Variants in RBL1 observed in about 807,000 individuals in gnomAD.
The protein encoded by RBL1 is RB transcriptional corepressor like 1, also known as retinoblastoma-like protein 1.
Under a neutral mutation model 123.0 loss-of-function variants are expected in RBL1, and 82 were observed. The ratio of observed to expected loss-of-function variants is 0.67; its 90% CI spans 0.56 to 0.80. The LOEUF is 0.80. Ranked by LOEUF, RBL1 falls within the 30% of genes least tolerant of loss-of-function variation. The pLI is 0.00. For missense variants in RBL1, 1,171 were observed against 1,299.6 expected, an observed-to-expected ratio of 0.90 and a Z score of 1.52; for synonymous variants, 405 against 441.3, an observed-to-expected ratio of 0.92 and a Z score of 1.03.
intron 9 of RBL1, 99 bp downstream of exon 9, chr20:37,061,004 C>T (rs2065084884): frequency 2.4e-6 from 3 of 1,262,266 alleles, no homozygotes; most frequent in Non-Finnish European, 3.2e-6. Context: ...GCCAGATGAA[C>T]ATCCACTATC....
intron 1 of RBL1, 30 bp downstream of exon 1, chr20:37,095,743 G>A (rs1471214806): frequency 6.4e-7 from 1 of 1,553,214 alleles, no homozygotes; most frequent in Admixed American, 1.8e-5. Context: ...GCGAGGGTAG[G>A]GTCCGGCCGC....
intron 11 of RBL1, 50 bp from the exon 12 acceptor site, chr20:37,047,240 T>C (rs1156294004): frequency 6.5e-7 from 1 of 1,549,886 alleles, no homozygotes. Context: ...AATTTCAGTC[T>C]TTGCCATTCC....
At chr20:37,067,925 G>T in intron 3 of RBL1, 61 bp downstream of exon 3, 1 of 1,539,178 alleles carries the variant, frequency 6.5e-7, no homozygotes, top group Admixed American at 2.2e-5. Context: ...TTTCAAAAAA[G>T]TATATTCTCT....
chr20:37,058,889 C>A (rs144529602), intron 9 of RBL1, among the ~76,000 whole-genome samples: 5 of 151,900 alleles, frequency 3.3e-5, no homozygotes, highest in African/African-American at 1.2e-4. Context: ...ATGCATATCA[C>A]CATGACTAAT....
At chr20:37,037,823 A>G (rs888772043) in intron 14 of RBL1, among the ~76,000 whole-genome samples, 1 of 151,760 alleles carries the variant, frequency 6.6e-6, no homozygotes, top group African/African-American at 2.4e-5. Flanking sequence ...AGTAGCTGGG[A>G]CTATAGGCGC....
At chr20:37,029,462 T>C (rs1007349514) in intron 16 of RBL1, among the ~76,000 whole-genome samples, 8 of 152,142 alleles carry the variant, frequency 5.3e-5, no homozygotes, top group Non-Finnish European at 1.2e-4. Flanking sequence ...GGGTCAACTG[T>C]ATATAAAAAA....
intron 11 of RBL1, chr20:37,049,309 C>G: frequency 1.6e-6 from 1 of 638,178 alleles, no homozygotes; most frequent in Non-Finnish European, 2.8e-6. Context: ...AAGGTTGAAC[C>G]CTCGGATACG....
chr20:37,041,944 G>C, intron 13 of RBL1, among the ~76,000 whole-genome samples: 1 of 151,826 alleles, frequency 6.6e-6, no homozygotes, highest in Non-Finnish European at 1.5e-5. Flanking sequence ...GTGGTGGTGG[G>C]TGCTTGTAGT....
intron 21 of RBL1, among the ~76,000 whole-genome samples, chr20:37,002,865 G>A (rs2064011102): frequency 6.6e-6 from 1 of 151,388 alleles, no homozygotes; most frequent in African/African-American, 2.4e-5. Context: ...TGAGATTATA[G>A]GTGCGCACCA....
chr20:37,025,746 GTT>G (rs113216175), intron 16 of RBL1, among the ~76,000 whole-genome samples: 3 of 140,542 alleles, frequency 2.1e-5, no homozygotes. Flanking sequence ...AGGGACCTGG[GTT>G]TTTTTTTTTT....
intron 1 of RBL1, among the ~76,000 whole-genome samples, chr20:37,090,711 A>T (rs2146338412): frequency 6.6e-6 from 1 of 152,314 alleles, no homozygotes; most frequent in African/African-American, 2.4e-5. Flanking sequence ...TAGCCTACTA[A>T]ACCTAGGCTA....
At chr20:37,075,961 C>A (rs2065357192) in intron 2 of RBL1, among the ~76,000 whole-genome samples, 1 of 152,166 alleles carries the variant, frequency 6.6e-6, no homozygotes, top group Non-Finnish European at 1.5e-5. Flanking sequence ...GCACAAAATT[C>A]TAAAAGTTAC....
At chr20:37,067,932 C>T (rs1343816483) in intron 3 of RBL1, 54 bp downstream of exon 3, 3 of 1,562,210 alleles carry the variant, frequency 1.9e-6, no homozygotes, top group Non-Finnish European at 2.6e-6. Flanking sequence ...AAAGTATATT[C>T]TCTTAGTTTG....
intron 11 of RBL1, among the ~76,000 whole-genome samples, chr20:37,053,787 T>C (rs2064959030): frequency 1.3e-5 from 2 of 152,176 alleles, no homozygotes; most frequent in African/African-American, 4.8e-5. Flanking sequence ...GAGGATTTAC[T>C]GTATACATTC....
At chr20:37,047,359 A>G (rs138193948) in intron 11 of RBL1, among the ~76,000 whole-genome samples, 169 bp from the exon 12 acceptor site, 1 of 152,336 alleles carries the variant, frequency 6.6e-6, no homozygotes, top group African/African-American at 2.4e-5. Flanking sequence ...TATAATACCT[A>G]TTCTTGCTCA....
At chr20:37,070,379 C>T (rs1056125271) in intron 2 of RBL1, among the ~76,000 whole-genome samples, 18 of 152,056 alleles carry the variant, frequency 1.2e-4, no homozygotes, top group Non-Finnish European at 2.4e-4. Flanking sequence ...GACCTTTGTT[C>T]ACTTGTTTAT....
chr20:37,020,775 A>G, intron 17 of RBL1, 45 bp from the exon 18 acceptor site: 2 of 1,324,040 alleles, frequency 1.5e-6, no homozygotes, highest in Non-Finnish European at 2.1e-6. Flanking sequence ...TTTTGAAAGA[A>G]AAATGGCTCT....
chr20:37,069,262 C>T (rs1338629167), intron 2 of RBL1, among the ~76,000 whole-genome samples: 3 of 152,224 alleles, frequency 2.0e-5, no homozygotes, highest in South Asian at 2.1e-4. Flanking sequence ...GCTGCCACCC[C>T]GTCTGGGAAG....
intron 2 of RBL1, among the ~76,000 whole-genome samples, chr20:37,072,894 T>G: frequency 6.6e-6 from 1 of 152,184 alleles, no homozygotes; most frequent in Non-Finnish European, 1.5e-5. Context: ...TCTTAAGTCA[T>G]CCTAAAGATT....
Sources: gnomAD v4.1 joint callset for allele counts (sites outside exome capture counted in the v4.1 genomes callset) on GRCh38, gnomAD v4.1.1 for gene constraint, MANE v1.5 for transcripts, NCBI Gene and HGNC (gene_info 2026-07-23, HGNC 2026-07-21) for gene names.